The following SARDH variants were observed in gnomAD, a reference collection of about 807,000 sequenced individuals.
SARDH encodes the protein sarcosine dehydrogenase, mitochondrial.
Under a neutral mutation model 109.1 loss-of-function variants are expected in SARDH, and 95 were observed. That is an observed-to-expected ratio of 0.87 (90% confidence interval 0.74 to 1.03). The LOEUF is 1.03. Ranked by LOEUF, SARDH falls within the 50% of genes least tolerant of loss-of-function variation. The pLI is 0.00. For missense variants in SARDH, 1,267 were observed against 1,287.8 expected (o/e 0.98, Z 0.25); for synonymous variants, 572 against 534.8 (o/e 1.07, Z -0.96).
intron 19 of SARDH, among the ~76,000 whole-genome samples, chr9:133,669,342 T>C (rs1237802917): frequency 3.2e-5 from 3 of 92,784 alleles, no homozygotes; most frequent in Non-Finnish European, 6.4e-5. Flanking sequence ...TCGTCCTCCC[T>C]CTCCCTCCCC....
rs778628970 is a variant in SARDH at position 133,666,938 on chromosome 9, TGGA to T, written c.2496-71_2496-69del. ...GGGTGGGGACGCGTCCACAGCGGCC[TGGA>T]GGAGAATGGGGGGCTGCATGATGCA... On this transcript the variant is annotated intron_variant, in intron 19 of 20. Transcript: ENST00000439388. The surrounding 1 kb of genome is among the most constrained non-coding windows in gnomAD (Gnocchi z 5.2). The T allele has an allele frequency of 2.2e-5, 35 of 1,584,714 alleles. No homozygotes were observed. Among genetic ancestry groups the T allele is most frequent in the Admixed American group, 1.8e-4 (10 of 56,626 alleles).
In SARDH at chr9:133,718,687, A is replaced by G; in HGVS notation, c.1020+251T>C. The G allele has an allele frequency of 1.3e-6, 1 of 779,490 alleles. No homozygotes were observed. Among genetic ancestry groups the G allele is most frequent in the Non-Finnish European group, 2.4e-6 (1 of 417,958 alleles). The allele number at this position is 779,490 out of a possible 1,614,324, so 48.3% of individuals were successfully genotyped here. ...TGCCCTTCTGAGGTCATCACTCCAC[A>G]CTGCGCAGACCTTCTCTGTGGATGT... On this transcript the variant is annotated intron_variant, in intron 7 of 20. Coordinates refer to ENST00000439388, the MANE Select transcript of SARDH (RefSeq NM_001134707.2). The surrounding 1 kb of genome is among the most constrained non-coding windows in gnomAD (Gnocchi z 4.2).
chr9:133,725,648 T>A, intron 6 of SARDH: 1 of 262,176 alleles, frequency 3.8e-6, no homozygotes, highest in South Asian at 3.4e-5. Context: ...TGTACTCCAG[T>A]GTGGGCAACA....
At chr9:133,734,408 CTCATTCAT>C (rs796631133) in intron 1 of SARDH, among the ~76,000 whole-genome samples, 1 of 110,576 alleles carries the variant, frequency 9.0e-6, no homozygotes, top group African/African-American at 4.6e-5. Context: ...CATTCATTCA[CTCATTCAT>C]TCATTCATTC....
At chr9:133,672,988 C>T (rs745333432) in intron 17 of SARDH, among the ~76,000 whole-genome samples, 3 of 152,232 alleles carry the variant, frequency 2.0e-5, no homozygotes, top group Non-Finnish European at 2.9e-5. Context: ...AGCTTCATCT[C>T]GTCCCTCCAC....
In SARDH at chr9:133,712,200, C is replaced by CGCTTTGTT. The variant is rs1344360935; in HGVS notation, c.1328+418_1328+419insAACAAAGC. Among the ~76,000 whole-genome samples, 3 of 152,192 alleles carry CGCTTTGTT rather than the reference C, an allele frequency of 2.0e-5. No individual in the cohort carries two copies. Among genetic ancestry groups the CGCTTTGTT allele is most frequent in the Non-Finnish European group, 4.4e-5 (3 of 68,032 alleles). ...GCTTGCACTGGGTCTCATTCCTGGC[C>CGCTTTGTT]GCTTTGTCAGTGTACGATTGAACGG... On this transcript the variant is annotated intron_variant, in intron 10 of 20. Coordinates refer to ENST00000439388, the MANE Select transcript of SARDH (RefSeq NM_001134707.2). This position sits in a 1 kb window ranked among gnomAD's most constrained non-coding sequence, Gnocchi z 4.1.
intron 13 of SARDH, among the ~76,000 whole-genome samples, chr9:133,700,275 C>T (rs959059739): frequency 6.6e-6 from 1 of 151,756 alleles, no homozygotes; most frequent in Non-Finnish European, 1.5e-5. Flanking sequence ...TGCAGTGAGC[C>T]GAATTGCACC....
In SARDH at chr9:133,702,219, C is replaced by T. The variant is rs531428864; in HGVS notation, c.1668+697G>A. Among the ~76,000 whole-genome samples the T allele has an allele frequency of 4.6e-5, 7 of 152,374 alleles. No homozygotes were observed. In the East Asian group the frequency reaches 1.2e-3, roughly 25 times the overall value. On this transcript the variant is annotated intron_variant, in intron 13 of 20. Transcript: ENST00000439388. ...CAGGCCAGGGCAGACGCTGGCCTCG[C>T]TCCTTCCCGGACAGCTGCGGGGGAG...
At chr9:133,676,363 G>A (rs1830511872) in intron 17 of SARDH, among the ~76,000 whole-genome samples, 2 of 152,178 alleles carry the variant, frequency 1.3e-5, no homozygotes, top group Non-Finnish European at 2.9e-5. Context: ...TGGGGAGAGG[G>A]AAAGGGAATT....
At chr9:133,710,736 G>T (rs553928718) in intron 10 of SARDH, among the ~76,000 whole-genome samples, 22 of 152,278 alleles carry the variant, frequency 1.4e-4, no homozygotes, top group Non-Finnish European at 2.8e-4. Context: ...CGAGGTGGCA[G>T]AACATTGCAT....
Position 133,709,017 on chromosome 9 carries a change from C to G in SARDH, c.1329-589G>C, listed in dbSNP as rs896982587. ...CCAAAGCTGGGCCTCGTCTGTGGGTCAGACCAGGGACCCAAGAGGTACAGA... is the reference window on the plus strand; with the variant it reads ...CCAAAGCTGGGCCTCGTCTGTGGGTGAGACCAGGGACCCAAGAGGTACAGA... On this transcript the variant is annotated intron_variant, in intron 10 of 20. Transcript: ENST00000439388. The surrounding 1 kb of genome is among the most constrained non-coding windows in gnomAD (Gnocchi z 4.2). Among the ~76,000 whole-genome samples, 2 of 151,000 alleles carry G rather than the reference C, an allele frequency of 1.3e-5. No homozygotes were observed. Among genetic ancestry groups the G allele is most frequent in the African/African-American group, 5.0e-5 (2 of 40,342 alleles).
chr9:133,660,436 G>T (rs1588357609), downstream of SARDH, among the ~76,000 whole-genome samples: 1 of 152,164 alleles, frequency 6.6e-6, no homozygotes, highest in Admixed American at 6.5e-5. Flanking sequence ...GGACCCTTGT[G>T]GGGGATTTTA....
chr9:133,672,861 G>A (rs1220854374), intron 17 of SARDH, among the ~76,000 whole-genome samples: 2 of 152,256 alleles, frequency 1.3e-5, no homozygotes, highest in East Asian at 3.8e-4. Flanking sequence ...TTGGGCAGCG[G>A]ACATGGTGGG....
At chr9:133,730,470 T>TA (rs71503358) in intron 4 of SARDH, among the ~76,000 whole-genome samples, 2,522 of 147,246 alleles carry the variant, frequency 0.017, 84 homozygotes, top group African/African-American at 0.06. Flanking sequence ...GACTTTTTTT[T>TA]AAAAAAAAAA....
In SARDH at chr9:133,718,656, C is replaced by G. The variant is rs1399420701; in HGVS notation, c.1020+282G>C. The G allele has an allele frequency of 5.1e-6, 4 of 779,250 alleles. No individual in the cohort carries two copies. The Admixed American group carries it at 6.8e-5, about 13-fold the overall frequency. 48.3% of individuals were successfully genotyped at this position (779,250 alleles called of 1,614,324 possible). On this transcript the variant is annotated intron_variant, in intron 7 of 20. Transcript: ENST00000439388. This position sits in a 1 kb window ranked among gnomAD's most constrained non-coding sequence, Gnocchi z 4.2. ...TGCTGAAGGACGTAGGACTTGTGTG[C>G]TCTCATGCCCTTCTGAGGTCATCAC...
At chr9:133,722,475 C>T (rs574551169) in intron 6 of SARDH, among the ~76,000 whole-genome samples, 1 of 152,214 alleles carries the variant, frequency 6.6e-6, no homozygotes, top group African/African-American at 2.4e-5. Flanking sequence ...CATTCTTACC[C>T]CTTCTACCCA....
chr9:133,738,580 G>A (rs570651858), upstream of SARDH, among the ~76,000 whole-genome samples: 6 of 152,288 alleles, frequency 3.9e-5, no homozygotes, highest in South Asian at 1.2e-3. Context: ...TCATTTCCTC[G>A]TCTCTGAAAC....
downstream of SARDH, among the ~76,000 whole-genome samples, chr9:133,662,432 G>A (rs1285672134): frequency 1.3e-5 from 2 of 152,034 alleles, no homozygotes; most frequent in Non-Finnish European, 2.9e-5. The surrounding 1 kb of genome is among the most constrained non-coding windows in gnomAD (Gnocchi z 5.1). Context: ...TCCTCCCCTG[G>A]CTCCCACAAA....
chr9:133,734,750 T>C (rs570607079), intron 1 of SARDH, among the ~76,000 whole-genome samples: 83 of 151,998 alleles, frequency 5.5e-4, no homozygotes, highest in Non-Finnish European at 1.0e-3. Flanking sequence ...GACCAATAGC[T>C]GGAAAGGAGG....
Sources: allele counts gnomAD v4.1 joint callset (sites outside exome capture counted in the v4.1 genomes callset), GRCh38; gene constraint gnomAD v4.1.1; non-coding constraint Gnocchi (gnomAD v3.1); transcripts MANE v1.5; gene names NCBI Gene and HGNC (gene_info 2026-07-23, HGNC 2026-07-21).